The following C12orf42 variants were observed in gnomAD, a reference collection of about 807,000 sequenced individuals.
C12orf42 encodes chromosome 12 open reading frame 42, also known as uncharacterized protein C12orf42.
C12orf42 carries 25 observed loss-of-function variants against 21.6 expected under a neutral mutation model. The observed-to-expected ratio is 1.16, with a 90% CI of 0.84 to 1.62. C12orf42 has a LOEUF of 1.62. Ranked by LOEUF, C12orf42 falls within the 40% of genes most tolerant of loss-of-function variation. C12orf42 has a pLI of 0.00. For missense variants in C12orf42, 483 were observed against 459.3 expected (o/e 1.05, Z -0.47); for synonymous variants, 174 against 175.0 (o/e 0.99, Z 0.05).
At chr12:103,161,899 G>T in the C12orf42 span, among the ~76,000 whole-genome samples, 104 of 152,236 alleles carry the variant, frequency 6.8e-4, no homozygotes, top group African/African-American at 2.5e-3. Flanking sequence ...AGAAGAAATT[G>T]TTTCTTAGAA....
chr12:103,069,848 G>T, the C12orf42 span, among the ~76,000 whole-genome samples: 1 of 152,144 alleles, frequency 6.6e-6, no homozygotes, highest in Non-Finnish European at 1.5e-5. Flanking sequence ...CTCCAGAGAG[G>T]TCTCACCATG....
chr12:103,243,181 G>A (rs532004617), intron 10 of C12orf42, among the ~76,000 whole-genome samples: 5 of 151,930 alleles, frequency 3.3e-5, no homozygotes, highest in African/African-American at 1.2e-4. Flanking sequence ...ACACCACCAT[G>A]CCCAGCTATT....
chr12:103,287,672 T>C (rs2036554801), intron 4 of C12orf42, among the ~76,000 whole-genome samples: 1 of 151,728 alleles, frequency 6.6e-6, no homozygotes, highest in South Asian at 2.1e-4. Flanking sequence ...AAACTGCACG[T>C]TGTGCACATG....
chr12:103,400,102 CA>C (rs2047873132), intron 3 of C12orf42, among the ~76,000 whole-genome samples: 1 of 151,970 alleles, frequency 6.6e-6, no homozygotes, highest in African/African-American at 2.4e-5. Flanking sequence ...GCCACAAAAA[CA>C]CAGAGAGGAA....
chr12:103,374,829 G>C (rs2138047477), intron 3 of C12orf42, among the ~76,000 whole-genome samples: 1 of 152,314 alleles, frequency 6.6e-6, no homozygotes, highest in South Asian at 2.1e-4. Context: ...AGAGCAAGCA[G>C]GTTGGACAAG....
the C12orf42 span, among the ~76,000 whole-genome samples, chr12:103,087,752 G>C: frequency 6.6e-6 from 1 of 152,138 alleles, no homozygotes; most frequent in Non-Finnish European, 1.5e-5. Context: ...CAGTTTAGAG[G>C]GAAAGTTTAT....
the C12orf42 span, among the ~76,000 whole-genome samples, chr12:103,552,319 G>C: frequency 1.4e-4 from 22 of 152,278 alleles, no homozygotes; most frequent in Admixed American, 3.9e-4. Flanking sequence ...GTTAGTCAGA[G>C]AGCATTGAAA....
chr12:103,086,513 C>A, the C12orf42 span, among the ~76,000 whole-genome samples: 1 of 149,484 alleles, frequency 6.7e-6, no homozygotes, highest in Non-Finnish European at 1.5e-5. Flanking sequence ...CCAGGCAATA[C>A]GAGATAATCT....
At chr12:103,279,171 C>G (rs1357469260) in intron 4 of C12orf42, among the ~76,000 whole-genome samples, 1 of 152,134 alleles carries the variant, frequency 6.6e-6, no homozygotes, top group Non-Finnish European at 1.5e-5. Context: ...GTTCACAATA[C>G]TTTATTATAT....
chr12:103,169,770 A>G, the C12orf42 span, among the ~76,000 whole-genome samples: 1 of 124,318 alleles, frequency 8.0e-6, no homozygotes, highest in African/African-American at 2.9e-5. Flanking sequence ...CTAAAAATAA[A>G]AAGGATAAAA....
chr12:103,309,544 A>G (rs999966779), intron 4 of C12orf42, among the ~76,000 whole-genome samples: 17 of 152,200 alleles, frequency 1.1e-4, no homozygotes, highest in African/African-American at 4.1e-4. Flanking sequence ...CAGATTTTCA[A>G]CTGTATGAGA....
At chr12:103,485,950 T>G (rs1954803969) in intron 1 of C12orf42, among the ~76,000 whole-genome samples, 1 of 152,232 alleles carries the variant, frequency 6.6e-6, no homozygotes, top group Non-Finnish European at 1.5e-5. Flanking sequence ...TTTTCCTAAT[T>G]GCATACCCTT....
At chr12:103,112,610 G>A in the C12orf42 span, among the ~76,000 whole-genome samples, 10 of 152,134 alleles carry the variant, frequency 6.6e-5, no homozygotes, top group Non-Finnish European at 1.5e-4. Flanking sequence ...GCAGTGAACC[G>A]AGACTGTGCC....
upstream of C12orf42, among the ~76,000 whole-genome samples, chr12:103,499,410 G>A (rs910924188): frequency 6.6e-6 from 1 of 152,154 alleles, no homozygotes; most frequent in Non-Finnish European, 1.5e-5. Context: ...ACCAAATCTG[G>A]GGAAAATGTT....
chr12:103,371,588 AAG>A (rs1045914574), intron 3 of C12orf42, among the ~76,000 whole-genome samples: 2 of 152,184 alleles, frequency 1.3e-5, no homozygotes, highest in African/African-American at 4.8e-5. Context: ...TACCATTTTA[AAG>A]AGAGAGGAGT....
At chr12:103,547,067 C>T in the C12orf42 span, among the ~76,000 whole-genome samples, 3 of 152,200 alleles carry the variant, frequency 2.0e-5, no homozygotes, top group Non-Finnish European at 4.4e-5. Flanking sequence ...GCTCCAGTGT[C>T]ATATAAAACT....
intron 3 of C12orf42, among the ~76,000 whole-genome samples, chr12:103,384,162 C>T (rs2046407819): frequency 6.6e-6 from 1 of 152,160 alleles, no homozygotes; most frequent in African/African-American, 2.4e-5. Context: ...CTTAAAAAAA[C>T]TGTAATAGCA....
chr12:103,529,549 A>G, the C12orf42 span, among the ~76,000 whole-genome samples: 1 of 152,190 alleles, frequency 6.6e-6, no homozygotes, highest in African/African-American at 2.4e-5. Flanking sequence ...ATGGTGTTGG[A>G]TTAACACAAT....
chr12:103,050,304 C>G, the C12orf42 span, among the ~76,000 whole-genome samples: 3 of 151,770 alleles, frequency 2.0e-5, no homozygotes, highest in African/African-American at 7.3e-5. Flanking sequence ...AAATGCTACA[C>G]AGTTTTAAAT....
Sources: allele counts gnomAD v4.1 joint callset (sites outside exome capture counted in the v4.1 genomes callset), GRCh38; gene constraint gnomAD v4.1.1; transcripts MANE v1.5; gene names NCBI Gene and HGNC (gene_info 2026-07-23, HGNC 2026-07-21).